The following CFAP46 variants were observed in gnomAD, a reference collection of about 807,000 sequenced individuals.
The protein encoded by CFAP46 is cilia and flagella associated protein 46.
CFAP46 carries 245 observed loss-of-function variants against 325.7 expected under a neutral mutation model. That is an observed-to-expected ratio of 0.75 (90% CI 0.68 to 0.84). The LOEUF (loss-of-function observed/expected upper bound fraction) is 0.84. Among genes scored for constraint, CFAP46 ranks in the 40% least tolerant of loss-of-function variants. The pLI is 0.00. For synonymous variants in CFAP46, 1,523 were observed against 1,495.9 expected (o/e 1.02, Z -0.42); for missense variants, 3,346 against 3,543.0 (o/e 0.94, Z 1.41).
chr10:132,859,270 C>T, intron 37 of CFAP46, 23 bp from the exon 38 acceptor site: 1 of 1,538,780 alleles, frequency 6.5e-7, no homozygotes, highest in Non-Finnish European at 8.7e-7. Flanking sequence ...CGGTTTGGGG[C>T]CTGGAGTCAG....
intron 37 of CFAP46, 45 bp downstream of exon 37, chr10:132,860,372 C>CCA: frequency 1.4e-6 from 2 of 1,456,834 alleles, no homozygotes. Flanking sequence ...AAAGAGGAAA[C>CCA]CACAGCTTTC....
Position 132,810,419 on chromosome 10 carries a change from C to T in CFAP46, c.7654G>A (p.Gly2552Ser), listed in dbSNP as rs372508852. ...SPSEDEWRRG[G>S]EPRRGFSDLE... ...CCGCCCCTCCCTTACCTTGGTTCACCGCCTCGTCGCCACTCATCTTCTGAA... is the reference window on the plus strand; with the variant it reads ...CCGCCCCTCCCTTACCTTGGTTCACTGCCTCGTCGCCACTCATCTTCTGAA... Residue 2552 changes from glycine to serine, a missense_variant, in exon 57 of 58, where the codon GGT (glycine) becomes AGT (serine). Coordinates refer to ENST00000368586, the MANE Select transcript of CFAP46 (RefSeq NM_001200049.3). 7.4e-6 allele frequency: 12 copies of T among 1,613,290 alleles called. No homozygotes were observed. Among genetic ancestry groups the T allele is most frequent in the East Asian group, 6.7e-5 (3 of 44,884 alleles).
chr10:132,895,319 A>T (rs965657414), intron 24 of CFAP46, among the ~76,000 whole-genome samples: 1 of 152,220 alleles, frequency 6.6e-6, no homozygotes, highest in Non-Finnish European at 1.5e-5. Flanking sequence ...AACATGATAA[A>T]GGGTCCTTAT....
At position 132,877,727 on chromosome 10, in the gene CFAP46, C is replaced by A. The variant is rs1013142730; in HGVS notation, c.4212+154G>T. Among the ~76,000 whole-genome samples the A allele has an allele frequency of 6.6e-6, 1 of 151,378 alleles. No homozygotes were observed. Among genetic ancestry groups the A allele is most frequent in the African/African-American group, 2.4e-5 (1 of 41,232 alleles). Reference sequence around the variant, plus strand: ...GGCCACCTGGGGCTCCTCCGAGAACCCTGACAGGCAGGGAAACTGAGGCAC... The same window carrying A: ...GGCCACCTGGGGCTCCTCCGAGAACACTGACAGGCAGGGAAACTGAGGCAC... On this transcript the variant is annotated intron_variant, in intron 30 of 57. Transcript: ENST00000368586. The surrounding 1 kb of genome is among the most constrained non-coding windows in gnomAD (Gnocchi z 5.7).
At chr10:132,853,385 T>G (rs1187934811) in intron 39 of CFAP46, among the ~76,000 whole-genome samples, 2 of 152,254 alleles carry the variant, frequency 1.3e-5, no homozygotes, top group Non-Finnish European at 2.9e-5. Flanking sequence ...TGGGGTAACC[T>G]TGGCTTGGTT....
chr10:132,822,579 GC>G (rs1356550705), intron 50 of CFAP46, among the ~76,000 whole-genome samples: 105 of 137,618 alleles, frequency 7.6e-4, no homozygotes, highest in South Asian at 6.1e-3. Context: ...CTGTGTGTGT[GC>G]TGTGTGCTGT....
In CFAP46 at chr10:132,812,779, T is replaced by A; in HGVS notation, c.7501+6A>T. On this transcript the variant is annotated splice_donor_region_variant and intron_variant, in intron 55 of 57. Coordinates refer to ENST00000368586, the MANE Select transcript of CFAP46 (RefSeq NM_001200049.3). The stretch of plus-strand genomic sequence containing the variant: ...GGGGAGGGGGTGCTGAGAGGACACC[T>A]CTCACCTTGCAAGTTCATGGCGACC... 6.2e-7 allele frequency: 1 copy of A among 1,606,786 alleles called. No individual in the cohort carries two copies. Among genetic ancestry groups the A allele is most frequent in the Non-Finnish European group, 8.5e-7 (1 of 1,175,170 alleles).
intron 50 of CFAP46, among the ~76,000 whole-genome samples, chr10:132,816,629 G>A (rs79079213): frequency 0.041 from 6,179 of 152,232 alleles, 173 homozygotes; most frequent in Middle Eastern, 0.099. Flanking sequence ...AATTGTGCCC[G>A]GCCAACTCTG....
At chr10:132,873,720 G>A (rs1163275634) in intron 31 of CFAP46, among the ~76,000 whole-genome samples, 5 of 152,168 alleles carry the variant, frequency 3.3e-5, no homozygotes, top group Non-Finnish European at 7.3e-5. Flanking sequence ...GGCCGTGCGG[G>A]TGGCCTGGAA....
Position 132,817,275 on chromosome 10 carries a change from C to T in CFAP46, c.7118-2361G>A, listed in dbSNP as rs1565033213. Among the ~76,000 whole-genome samples, 1 of 152,214 alleles carries T rather than the reference C, an allele frequency of 6.6e-6. No homozygotes were observed. Among genetic ancestry groups the T allele is most frequent in the Non-Finnish European group, 1.5e-5 (1 of 68,046 alleles). On this transcript the variant is annotated intron_variant, in intron 50 of 57. Transcript: ENST00000368586. This position sits in a 1 kb window ranked among gnomAD's most constrained non-coding sequence, Gnocchi z 4.4. ...GTCTGTTTCCTCTGAGAGTCAGACA[C>T]CGGCCCTCCGGGTTACTCTTAAATA...
intron 35 of CFAP46, among the ~76,000 whole-genome samples, chr10:132,862,971 G>T (rs1442333629): frequency 6.6e-6 from 1 of 152,100 alleles, no homozygotes; most frequent in African/African-American, 2.4e-5. Context: ...AAGAGGGCGG[G>T]AAAGATCAAG....
chr10:132,879,199 AG>A (rs1378569386), intron 29 of CFAP46, among the ~76,000 whole-genome samples: 4 of 152,168 alleles, frequency 2.6e-5, no homozygotes, highest in African/African-American at 7.2e-5. Flanking sequence ...GCAGGAATGA[AG>A]AGGGGAGTCT....
At chr10:132,887,231 C>T (rs1849152763) in intron 25 of CFAP46, among the ~76,000 whole-genome samples, 1 of 108,808 alleles carries the variant, frequency 9.2e-6, no homozygotes, top group Non-Finnish European at 1.7e-5. Flanking sequence ...TCTCTCTCTC[C>T]TCTCCCCTCT....
intron 50 of CFAP46, among the ~76,000 whole-genome samples, chr10:132,818,230 A>G (rs1157780497): frequency 1.3e-4 from 20 of 151,850 alleles, no homozygotes; most frequent in Admixed American, 1.2e-3. Flanking sequence ...GGATGTTTCA[A>G]TAAGCGATGT....
intron 7 of CFAP46, 113 bp from the exon 8 acceptor site, chr10:132,934,975 A>G (rs1472931710): frequency 4.1e-6 from 3 of 733,754 alleles, no homozygotes; most frequent in Non-Finnish European, 7.1e-6. Flanking sequence ...GAGGAGACTG[A>G]AAATAACCCC....
intron 50 of CFAP46, among the ~76,000 whole-genome samples, chr10:132,821,130 C>CAG (rs1847805222): frequency 9.0e-6 from 1 of 111,530 alleles, no homozygotes. Flanking sequence ...TGTGTGTGTG[C>CAG]TGATGTGTGC....
In CFAP46 at chr10:132,847,078, G is replaced by C. The variant is rs267602418; in HGVS notation, c.6121C>G (p.Gln2041Glu). 1 of 1,612,428 alleles carries C rather than the reference G, an allele frequency of 6.2e-7. No individual in the cohort carries two copies. Among genetic ancestry groups the C allele is most frequent in the African/African-American group, 1.3e-5 (1 of 75,066 alleles). ...CACTGCAGCAGCACCTCTGACGCCTGAGCCAGGTACTGCTGGGCCAGAACC... is the reference window on the plus strand; with the variant it reads ...CACTGCAGCAGCACCTCTGACGCCTCAGCCAGGTACTGCTGGGCCAGAACC... Reference protein sequence around the residue: ...RMVLAQQYLAQASEVLLQCLQ... With the variant: ...RMVLAQQYLAEASEVLLQCLQ... Residue 2041 changes from glutamine to glutamate, a missense_variant, in exon 43 of 58, where the codon CAG (glutamine) becomes GAG (glutamate). Transcript: ENST00000368586. This position sits in a 1 kb window ranked among gnomAD's most constrained non-coding sequence, Gnocchi z 5.2.
intron 48 of CFAP46, 129 bp downstream of exon 48, chr10:132,834,525 G>A (rs1848205045): frequency 4.6e-6 from 6 of 1,312,844 alleles, no homozygotes; most frequent in Admixed American, 5.1e-5. Flanking sequence ...GGAGCAGGCA[G>A]GCGGCGCCGA....
chr10:132,912,463 CT>C (rs1849561152), intron 19 of CFAP46, among the ~76,000 whole-genome samples, 191 bp downstream of exon 19: 1 of 135,250 alleles, frequency 7.4e-6, no homozygotes, highest in African/African-American at 2.9e-5. Flanking sequence ...CTCTCTTCAC[CT>C]CTCTCTCTCT....
Sources: allele counts gnomAD v4.1 joint callset (sites outside exome capture counted in the v4.1 genomes callset), GRCh38; gene constraint gnomAD v4.1.1; non-coding constraint Gnocchi (gnomAD v3.1); transcripts MANE v1.5; gene names NCBI Gene and HGNC (gene_info 2026-07-23, HGNC 2026-07-21).